PMM2: variants seen among roughly 807,000 people sequenced by gnomAD.
PMM2 encodes phosphomannomutase 2, also known as mannose-6-phosphate isomerase.
Under a neutral mutation model 33.2 loss-of-function variants are expected in PMM2, and 35 were observed. The observed-to-expected ratio is 1.06, with a 90% CI of 0.81 to 1.40. The LOEUF (loss-of-function observed/expected upper bound fraction) is 1.40, where lower values mean the gene tolerates loss of function less well. Among genes scored for constraint, PMM2 ranks in the 40% most tolerant of loss-of-function variants. The pLI is 0.00. For missense variants in PMM2, 386 were observed against 306.0 expected, an observed-to-expected ratio of 1.26 and a Z score of -1.95; for synonymous variants, 153 against 114.7, an observed-to-expected ratio of 1.33 and a Z score of -2.13.
chr16:8,831,453 C>T (rs961061614), intron 7 of PMM2, among the ~76,000 whole-genome samples: 2 of 152,206 alleles, frequency 1.3e-5, no homozygotes, highest in African/African-American at 4.8e-5. Context: ...GGGAGGATCG[C>T]TTGAGCCCAG....
At chr16:8,821,125 C>T (rs1258076267) in intron 7 of PMM2, among the ~76,000 whole-genome samples, 2 of 152,154 alleles carry the variant, frequency 1.3e-5, no homozygotes, top group Admixed American at 6.5e-5. Flanking sequence ...TGATTTGAGA[C>T]CCAGGTCTTC....
At chr16:8,817,333 T>A (rs1308436014) in intron 7 of PMM2, among the ~76,000 whole-genome samples, 4 of 152,244 alleles carry the variant, frequency 2.6e-5, no homozygotes, top group Non-Finnish European at 4.4e-5. Context: ...TTAAAAAAAT[T>A]AAGCTAATGA....
intron 7 of PMM2, among the ~76,000 whole-genome samples, chr16:8,833,547 T>C (rs957133311): frequency 1.1e-4 from 17 of 151,494 alleles, no homozygotes; most frequent in African/African-American, 2.7e-4. Context: ...GGGGGTGGTA[T>C]GGAGAGAGAA....
chr16:8,818,360 T>C (rs2060719345), intron 7 of PMM2, among the ~76,000 whole-genome samples: 1 of 152,188 alleles, frequency 6.6e-6, no homozygotes, highest in South Asian at 2.1e-4. Flanking sequence ...CCCTGATCCT[T>C]TTCGTCAGCG....
intron 7 of PMM2, among the ~76,000 whole-genome samples, chr16:8,837,978 G>C (rs908947704): frequency 6.6e-6 from 1 of 152,106 alleles, no homozygotes; most frequent in Non-Finnish European, 1.5e-5. Flanking sequence ...TGTTTCATGC[G>C]CGTCCGTGTG....
chr16:8,823,956 G>C (rs937315215), intron 7 of PMM2, among the ~76,000 whole-genome samples: 2 of 152,098 alleles, frequency 1.3e-5, no homozygotes, highest in Admixed American at 6.5e-5. Context: ...TAAAGTAACC[G>C]GCATCTCTAA....
At chr16:8,799,760 A>C in intron 1 of PMM2, among the ~76,000 whole-genome samples, 1 of 151,970 alleles carries the variant, frequency 6.6e-6, no homozygotes, top group African/African-American at 2.4e-5. Flanking sequence ...GTTGGCCAGG[A>C]TGGTCTCTAT....
At chr16:8,798,814 A>G (rs2060594445) in intron 1 of PMM2, among the ~76,000 whole-genome samples, 4 of 152,098 alleles carry the variant, frequency 2.6e-5, no homozygotes, top group South Asian at 2.1e-4. Context: ...TGGTCTCACT[A>G]TCCTCAGCTT....
chr16:8,843,978 C>A lies in PMM2; in HGVS notation c.640-3746C>A, dbSNP rs554996817. The stretch of plus-strand genomic sequence containing the variant: ...GGAGGGAAAGAAGGAAGATTTGGGA[C>A]GAGTTGCACTGGGCACAGAGACTAG... On this transcript the variant is annotated intron_variant, in intron 7 of 7. Coordinates refer to ENST00000268261, the MANE Select transcript of PMM2 (RefSeq NM_000303.3). Among the ~76,000 whole-genome samples, 90 of 151,980 alleles carry A rather than the reference C, an allele frequency of 5.9e-4. No homozygotes were observed. In the Middle Eastern group the frequency reaches 0.014, roughly 23 times the overall value.
chr16:8,836,193 A>G (rs2060845371), intron 7 of PMM2, among the ~76,000 whole-genome samples: 1 of 151,768 alleles, frequency 6.6e-6, no homozygotes, highest in African/African-American at 2.4e-5. Context: ...TAAGAAGGGG[A>G]TGGACTTACC....
intron 7 of PMM2, among the ~76,000 whole-genome samples, chr16:8,846,007 A>G (rs934679532): frequency 5.3e-5 from 8 of 152,070 alleles, no homozygotes. Context: ...GATGGTGGCC[A>G]TGCAATTCAG....
intron 7 of PMM2, among the ~76,000 whole-genome samples, chr16:8,822,156 T>C (rs934853145): frequency 6.6e-6 from 1 of 152,158 alleles, no homozygotes; most frequent in African/African-American, 2.4e-5. Flanking sequence ...GAAGTGGAGA[T>C]TGCTGATTGG....
At chr16:8,816,593 T>C (rs2060709940) in intron 7 of PMM2, among the ~76,000 whole-genome samples, 1 of 151,856 alleles carries the variant, frequency 6.6e-6, no homozygotes, top group African/African-American at 2.4e-5. Flanking sequence ...AATACAAAAT[T>C]AGCTGGGCAT....
chr16:8,799,979 G>T (rs8052077), intron 1 of PMM2, among the ~76,000 whole-genome samples: 2 of 152,126 alleles, frequency 1.3e-5, no homozygotes, highest in African/African-American at 4.8e-5. Context: ...CTCTAAAAAA[G>T]TTTTTTAAAG....
rs553522916 is a variant in PMM2 at position 8,848,100 on chromosome 16, A to T, written c.*275A>T. The T allele has an allele frequency of 4.9e-5, 22 of 448,880 alleles. No homozygotes were observed. In the East Asian group the frequency reaches 9.2e-4, roughly 19 times the overall value. The allele number at this position is 448,880 out of a possible 1,614,324, so 27.8% of individuals were successfully genotyped here. A position where few individuals can be genotyped will look rare whatever the true frequency, so the allele number is the denominator to read the frequency against. On this transcript the variant is annotated 3_prime_UTR_variant, in exon 8 of 8. Coordinates refer to ENST00000268261, the MANE Select transcript of PMM2 (RefSeq NM_000303.3). The stretch of plus-strand genomic sequence containing the variant: ...CCCCTAGTCTAATACCCACCCTGAT[A>T]CGTGCAATCATGTAGTTTTGGCGGA...
chr16:8,828,771 C>G (rs1313634035), intron 7 of PMM2, among the ~76,000 whole-genome samples: 1 of 152,202 alleles, frequency 6.6e-6, no homozygotes, highest in Non-Finnish European at 1.5e-5. Flanking sequence ...TGGTCCTGCT[C>G]TCCATGACAG....
chr16:8,799,867 T>C lies in PMM2; in HGVS notation c.66+1919T>C, dbSNP rs111662793. ...TGACTTTTAAAGGCCACTCCTCCAA[T>C]TCTAGATTCTGTCTAATAGGTCCAG... On this transcript the variant is annotated intron_variant, in intron 1 of 7. Transcript: ENST00000268261. 6.2e-3 allele frequency among the ~76,000 whole-genome samples: 940 copies of C among 152,220 alleles called. 19 individuals carry two copies. Among genetic ancestry groups the C allele is most frequent in the African/African-American group, 0.022 (896 of 41,534 alleles).
chr16:8,798,005 T>G (rs372515376), intron 1 of PMM2, 57 bp downstream of exon 1: 11 of 1,530,280 alleles, frequency 7.2e-6, no homozygotes, highest in Non-Finnish European at 9.7e-6. Context: ...CTGTTCCCAG[T>G]TGGGGCTATC....
chr16:8,842,360 T>G (rs1010704326), intron 7 of PMM2: 1 of 152,170 alleles, frequency 6.6e-6, no homozygotes, highest in African/African-American at 2.4e-5. Context: ...AAGAAGAAGG[T>G]CATCAATATA....
Sources: allele counts gnomAD v4.1 joint callset (sites outside exome capture counted in the v4.1 genomes callset), GRCh38; gene constraint gnomAD v4.1.1; transcripts MANE v1.5; gene names NCBI Gene and HGNC (gene_info 2026-07-23, HGNC 2026-07-21).